The following ERBB2 variants were observed in gnomAD, a reference collection of about 807,000 sequenced individuals.
The protein encoded by ERBB2 is receptor tyrosine-protein kinase erbB-2.
ERBB2 carries 61 observed loss-of-function variants against 149.0 expected under a neutral mutation model. The ratio of observed to expected loss-of-function variants is 0.41; its 90% confidence interval spans 0.33 to 0.51. ERBB2 has a LOEUF of 0.51. Ranked by LOEUF, ERBB2 falls within the 20% of genes least tolerant of loss-of-function variation. The pLI, the probability that ERBB2 is intolerant of heterozygous loss-of-function variation, is 0.25. For missense variants in ERBB2, 1,205 were observed against 1,655.1 expected (o/e 0.73, Z 4.72); for synonymous variants, 633 against 678.8 (o/e 0.93, Z 1.05).
In ERBB2 at chr17:39,700,122, C is replaced by T; in HGVS notation, c.-117C>T. 2 of 1,294,940 alleles carry T rather than the reference C, an allele frequency of 1.5e-6. No individual in the cohort carries two copies. Among genetic ancestry groups the T allele is most frequent in the Admixed American group, 8.4e-5 (2 of 23,914 alleles). 80.2% of individuals were successfully genotyped at this position (1,294,940 alleles called of 1,614,324 possible). A position where few individuals can be genotyped will look rare whatever the true frequency, so the allele number is the denominator to read the frequency against. On this transcript the variant is annotated 5_prime_UTR_variant, in exon 1 of 27. Coordinates refer to ENST00000269571, the MANE Select transcript of ERBB2 (RefSeq NM_004448.4). The stretch of plus-strand genomic sequence containing the variant: ...CCCCCGGGCAGCCGCGCGCCCCTTC[C>T]CACGGGGCCCTTTACTGCGCCGCGC...
At position 39,719,796 on chromosome 17, in the gene ERBB2, C is replaced by T. The variant is rs2059349479; in HGVS notation, c.1908C>T (p.Asp636=). ...ACTGTTTCTCCTGCAGCTGTGTGGACCTGGATGACAAGGGCTGCCCCGCCG... is the reference window on the plus strand; with the variant it reads ...ACTGTTTCTCCTGCAGCTGTGTGGATCTGGATGACAAGGGCTGCCCCGCCG... ...CPINCTHSCV[D]LDDKGCPAEQ... Residue 636 remains aspartate, a synonymous_variant, in exon 16 of 27, where the codon GAC becomes GAT. Transcript: ENST00000269571. 6.2e-7 allele frequency: 1 copy of T among 1,614,142 alleles called. No homozygotes were observed. The highest frequency in any genetic ancestry group is 1.7e-5 in the Admixed American group (1 of 60,020).
rs1405345723 is a variant in ERBB2 at position 39,726,485 on chromosome 17, T to TGGAGGG, written c.2873-72_2873-67dup. The TGGAGGG allele has an allele frequency of 8.2e-7, 1 of 1,225,826 alleles. No homozygotes were observed. Among genetic ancestry groups the TGGAGGG allele is most frequent in the Non-Finnish European group, 1.2e-6 (1 of 835,228 alleles). 75.9% of individuals were successfully genotyped at this position (1,225,826 alleles called of 1,614,324 possible). Reference sequence around the variant, plus strand: ...TCCCTTGGGACTGTCTAGACCAGACTGGAGGGGGAGTGGGAGGGGAGAGGC... The same window carrying TGGAGGG: ...TCCCTTGGGACTGTCTAGACCAGACTGGAGGGGGAGGGGGAGTGGGAGGGGAGAGGC... On this transcript the variant is annotated intron_variant, in intron 23 of 26. Transcript: ENST00000269571. The surrounding 1 kb of genome is among the most constrained non-coding windows in gnomAD (Gnocchi z 5.1).
At chr17:39,691,934 C>CATATACATATATATATAT (rs564472045), upstream of ERBB2, among the ~76,000 whole-genome samples, 5 of 120,884 alleles carry the variant, frequency 4.1e-5, no homozygotes, top group African/African-American at 1.4e-4. Flanking sequence ...TATACATATA[C>CATATACATATATATATAT]ATATATATAT....
At position 39,727,593 on chromosome 17, in the gene ERBB2, G is replaced by A. The variant is rs920107107; in HGVS notation, c.3412+46G>A. 1.3e-6 allele frequency: 2 copies of A among 1,579,366 alleles called. No homozygotes were observed. Among genetic ancestry groups the A allele is most frequent in the Non-Finnish European group, 1.7e-6 (2 of 1,169,584 alleles). ...AGAGAGACTGATGGGCAGGGGAGGT[G>A]GGACCTTCAGCCCAGGGTCCACTGT... On this transcript the variant is annotated intron_variant, in intron 26 of 26. Transcript: ENST00000269571. The surrounding 1 kb of genome is among the most constrained non-coding windows in gnomAD (Gnocchi z 4.3).
chr17:39,720,660 T>A (rs1199160642), intron 16 of ERBB2, among the ~76,000 whole-genome samples: 1 of 152,168 alleles, frequency 6.6e-6, no homozygotes. Context: ...ATCTTTTTTT[T>A]ATTTTTTTGA....
rs755006466 is a variant in ERBB2, at chr17:39,727,648, G to T, written c.3413-41G>T. 1.3e-6 allele frequency: 2 copies of T among 1,548,126 alleles called. No homozygotes were observed. Among genetic ancestry groups the T allele is most frequent in the East Asian group, 2.3e-5 (1 of 44,440 alleles). On this transcript the variant is annotated intron_variant, in intron 26 of 26. Transcript: ENST00000269571. The surrounding 1 kb of genome is among the most constrained non-coding windows in gnomAD (Gnocchi z 4.3). ...GCAGAGGGAGTGGCAGAGACACCGG[G>T]GTTCCTTCCCCTAATGGGTCACCTT...
At chr17:39,697,336 G>C (rs11658935), upstream of ERBB2, among the ~76,000 whole-genome samples, 1 of 151,464 alleles carries the variant, frequency 6.6e-6, no homozygotes, top group Non-Finnish European at 1.5e-5. Flanking sequence ...GAATGTGCTA[G>C]GGTTGTTTTT....
At position 39,725,188 on chromosome 17, in the gene ERBB2, A is replaced by G. The variant is rs1429903426; in HGVS notation, c.2633A>G (p.His878Arg). The change falls in exon 21 of 27, where the codon CAT becomes CGT. Residue 878 changes from histidine to arginine, a missense_variant. Coordinates refer to ENST00000269571, the MANE Select transcript of ERBB2 (RefSeq NM_004448.4). This position sits in a 1 kb window ranked among gnomAD's most constrained non-coding sequence, Gnocchi z 4.6. ...RLLDIDETEY[H>R]ADGGKVPIKW... ...CTGGACATTGACGAGACAGAGTACC[A>G]TGCAGATGGGGGCAAGGTTAGGTGA... The G allele has an allele frequency of 1.2e-6, 2 of 1,613,980 alleles. No individual in the cohort carries two copies. The highest frequency in any genetic ancestry group is 1.3e-5 in the African/African-American group (1 of 74,924).
rs761879528 is a variant in ERBB2, at chr17:39,728,038, A to C, written c.3762A>C (p.Pro1254=). 4 of 1,579,328 alleles carry C rather than the reference A, an allele frequency of 2.5e-6. No homozygotes were observed. The South Asian group carries it at 4.5e-5, about 18-fold the overall frequency. ...CAGAGTACCTGGGTCTGGACGTGCC[A>C]GTGTGAACCAGAAGGCCAAGTCCGC... ...ENPEYLGLDV[P]V Residue 1254 remains proline (P), a synonymous_variant, in exon 27 of 27, where the codon CCA becomes CCC. Transcript: ENST00000269571.
chr17:39,694,241 ATATATATATATATATATATATATATATG>A (rs1169591127), upstream of ERBB2, among the ~76,000 whole-genome samples: 22 of 22,040 alleles, frequency 1.0e-3, no homozygotes, highest in South Asian at 5.3e-3. Context: ...ATATATATAT[ATATATATATATATATATATATATATATG>A]TGTGTATATA....
rs772461233 is a variant in ERBB2 at position 39,717,311 on chromosome 17, C to T, written c.1738-9C>T. 39 of 1,590,944 alleles carry T rather than the reference C, an allele frequency of 2.5e-5. No homozygotes were observed. In the East Asian group the frequency reaches 3.2e-4, roughly 13 times the overall value. On this transcript the variant is annotated splice_polypyrimidine_tract_variant and intron_variant, in intron 14 of 26. Coordinates refer to ENST00000269571, the MANE Select transcript of ERBB2 (RefSeq NM_004448.4). The stretch of plus-strand genomic sequence containing the variant: ...CCAGCCCCCCACAAATCTTTTCTGC[C>T]CCCCCCAGGAGGCTGACCAGTGTGT...
Position 39,709,800 on chromosome 17 carries a change from GT to G in ERBB2, c.575-11del. ...ACATCTCTCTCACTGCCTGTCTCTG[GT>G]TCTGTCCTCAGGCCACCCCTGTTCT... On this transcript the variant is annotated splice_polypyrimidine_tract_variant and intron_variant, in intron 4 of 26. Transcript: ENST00000269571. The G allele has an allele frequency of 6.2e-7, 1 of 1,611,880 alleles. No individual in the cohort carries two copies. Among genetic ancestry groups the G allele is most frequent in the South Asian group, 1.1e-5 (1 of 91,072 alleles).
At chr17:39,722,611 G>A (rs567212144) in intron 16 of ERBB2, among the ~76,000 whole-genome samples, 1 of 152,318 alleles carries the variant, frequency 6.6e-6, no homozygotes, top group East Asian at 1.9e-4. Context: ...AATGTTCTGA[G>A]CACGTGTAAG....
chr17:39,691,574 T>TACATAC (rs1555611684), upstream of ERBB2, among the ~76,000 whole-genome samples: 3 of 122,064 alleles, frequency 2.5e-5, no homozygotes, highest in Non-Finnish European at 4.8e-5. Context: ...TATATATATA[T>TACATAC]ACACACACAC....
Position 39,725,056 on chromosome 17 carries a change from G to A in ERBB2, c.2501G>A (p.Ser834Asn), listed in dbSNP as rs1567913381. Residue 834 changes from serine (S) to asparagine (N), a missense_variant, in exon 21 of 27, where the codon AGC becomes AAC. Coordinates refer to ENST00000269571, the MANE Select transcript of ERBB2 (RefSeq NM_004448.4). This position sits in a 1 kb window ranked among gnomAD's most constrained non-coding sequence, Gnocchi z 4.6. ...NWCMQIAKGM[S>N]YLEDVRLVHR... ...GGGTGCTTCCCATTCCAGGGGATGAGCTACCTGGAGGATGTGCGGCTCGTA... is the reference window on the plus strand; with the variant it reads ...GGGTGCTTCCCATTCCAGGGGATGAACTACCTGGAGGATGTGCGGCTCGTA... The A allele has an allele frequency of 6.2e-7, 1 of 1,614,170 alleles. No homozygotes were observed. Among genetic ancestry groups the A allele is most frequent in the East Asian group, 2.2e-5 (1 of 44,878 alleles).
upstream of ERBB2, among the ~76,000 whole-genome samples, chr17:39,690,435 A>C (rs1044266072): frequency 6.6e-6 from 1 of 152,206 alleles, no homozygotes; most frequent in African/African-American, 2.4e-5. Context: ...CTAACAATGG[A>C]AATTTGTTCG....
At chr17:39,706,175 G>A (rs939571046) in intron 1 of ERBB2, among the ~76,000 whole-genome samples, 1 of 152,198 alleles carries the variant, frequency 6.6e-6, no homozygotes, top group Non-Finnish European at 1.5e-5. Context: ...CTGATGGCTC[G>A]CGCTGGGCAG....
chr17:39,716,070 G>A (rs1295924136), intron 12 of ERBB2, 131 bp downstream of exon 12: 2 of 1,085,772 alleles, frequency 1.8e-6, no homozygotes, highest in African/African-American at 3.1e-5. Context: ...ACTCAGCACA[G>A]CTCTGGCTGG....
rs2058501204 is a variant in ERBB2, at chr17:39,707,286, T to G, written c.225+145T>G. On this transcript the variant is annotated intron_variant, in intron 2 of 26. Coordinates refer to ENST00000269571, the MANE Select transcript of ERBB2 (RefSeq NM_004448.4). Reference sequence around the variant, plus strand: ...CAACCAGGAAGTCCTTTCTAACATCTAACCCCCATTCATTTTACTGCAGAA... The same window carrying G: ...CAACCAGGAAGTCCTTTCTAACATCGAACCCCCATTCATTTTACTGCAGAA... 7.6e-6 allele frequency: 5 copies of G among 656,716 alleles called. No individual in the cohort carries two copies. The East Asian group carries it at 1.7e-4, about 22-fold the overall frequency. 40.7% of individuals were successfully genotyped at this position (656,716 alleles called of 1,614,324 possible).
Sources: allele counts gnomAD v4.1 joint callset (sites outside exome capture counted in the v4.1 genomes callset), GRCh38; gene constraint gnomAD v4.1.1; non-coding constraint Gnocchi (gnomAD v3.1); transcripts MANE v1.5; gene names NCBI Gene and HGNC (gene_info 2026-07-23, HGNC 2026-07-21).